Variants in APTX observed in about 807,000 individuals in gnomAD.
APTX encodes forkhead-associated domain histidine triad-like protein.
Under a neutral mutation model 42.3 loss-of-function variants are expected in APTX, and 33 were observed. The ratio of observed to expected loss-of-function variants is 0.78; its 90% CI spans 0.59 to 1.04. The LOEUF (loss-of-function observed/expected upper bound fraction) is 1.04. Ranked by LOEUF, APTX falls within the 50% of genes least tolerant of loss-of-function variation. The pLI, the probability that APTX is intolerant of heterozygous loss-of-function variation, is 0.00. For synonymous variants in APTX, 130 were observed against 146.7 expected (o/e 0.89, Z 0.82); for missense variants, 421 against 415.1 (o/e 1.01, Z -0.12).
At chr9:32,989,601 A>C in intron 2 of APTX, 158 bp downstream of exon 2, 23 of 1,078,358 alleles carry the variant, frequency 2.1e-5, no homozygotes, top group East Asian at 7.4e-5. Flanking sequence ...AGAATCAGGA[A>C]TAAATAGGGC....
intron 1 of APTX, among the ~76,000 whole-genome samples, chr9:32,995,233 C>G (rs947987424): frequency 2.0e-5 from 3 of 152,100 alleles, no homozygotes; most frequent in Admixed American, 6.5e-5. Flanking sequence ...TCTGATGGAC[C>G]TGGAAAAAGT....
At chr9:32,990,279 T>G (rs1003318580) in intron 1 of APTX, among the ~76,000 whole-genome samples, 9 of 152,114 alleles carry the variant, frequency 5.9e-5, no homozygotes, top group African/African-American at 2.2e-4. Context: ...TTCAAGCAAT[T>G]CTCCTGCCTT....
chr9:32,977,192 A>G (rs1427035258), intron 6 of APTX, among the ~76,000 whole-genome samples: 1 of 152,244 alleles, frequency 6.6e-6, no homozygotes, highest in Non-Finnish European at 1.5e-5. Context: ...TTTCATATCA[A>G]TTTATAAAAA....
intron 1 of APTX, 107 bp from the exon 2 acceptor site, chr9:32,990,002 T>G: frequency 1.4e-6 from 2 of 1,412,274 alleles, no homozygotes; most frequent in Non-Finnish European, 9.7e-7. Flanking sequence ...CTGTTCATCT[T>G]GAGGCAAGTG....
At chr9:33,021,394 G>A (rs1838370853) in intron 1 of APTX, among the ~76,000 whole-genome samples, 1 of 152,068 alleles carries the variant, frequency 6.6e-6, no homozygotes, top group African/African-American at 2.4e-5. Flanking sequence ...AATGGGATTT[G>A]GGGGGAATCT....
At chr9:33,017,750 G>A (rs951794299) in intron 1 of APTX, among the ~76,000 whole-genome samples, 2 of 152,126 alleles carry the variant, frequency 1.3e-5, no homozygotes, top group East Asian at 1.9e-4. Context: ...CACCAACCTG[G>A]AAGCTCTCCA....
chr9:33,020,827 C>T (rs368817639), intron 1 of APTX, among the ~76,000 whole-genome samples: 105 of 152,330 alleles, frequency 6.9e-4, no homozygotes, highest in African/African-American at 2.4e-3. Context: ...ACACTTACGG[C>T]CATGTGGTTA....
At chr9:33,005,431 T>TTTTGA (rs1837068222), upstream of APTX, among the ~76,000 whole-genome samples, 1 of 150,450 alleles carries the variant, frequency 6.6e-6, no homozygotes. Flanking sequence ...TTTTTTTGTT[T>TTTTGA]TTTGTTTTTG....
chr9:33,001,427 G>C (rs1270114586), intron 1 of APTX, 140 bp downstream of exon 1: 5 of 1,545,570 alleles, frequency 3.2e-6, no homozygotes, highest in East Asian at 4.8e-5. Context: ...GGGGAGGACG[G>C]AGAAAGCAGC....
chr9:32,986,959 T>C (rs757170372), intron 4 of APTX, among the ~76,000 whole-genome samples: 19 of 152,066 alleles, frequency 1.2e-4, no homozygotes, highest in Non-Finnish European at 2.1e-4. Flanking sequence ...CAAGCATGTG[T>C]GTACCACCAG....
chr9:32,973,011 A>C lies in APTX; in HGVS notation c.*487T>G, dbSNP rs1433465895. ...AGGACTGGACAAACTAAGCCTCCCC[A>C]TGAAGGAAGGGAAAAGAATATTACA... On this transcript the variant is annotated 3_prime_UTR_variant, in exon 8 of 8. Transcript: ENST00000379817. 5 of 454,054 alleles carry C rather than the reference A, an allele frequency of 1.1e-5. No individual in the cohort carries two copies. Among genetic ancestry groups the C allele is most frequent in the African/African-American group, 2.0e-5 (1 of 50,022 alleles). The allele number at this position is 454,054 out of a possible 1,614,324, so 28.1% of individuals were successfully genotyped here.
intron 1 of APTX, among the ~76,000 whole-genome samples, chr9:32,997,732 G>A (rs1835292084): frequency 1.3e-5 from 2 of 152,236 alleles, no homozygotes; most frequent in Admixed American, 6.5e-5. Context: ...GATACAGGCA[G>A]GGTTCAGAAC....
upstream of APTX, among the ~76,000 whole-genome samples, chr9:33,003,965 A>C (rs1012355356): frequency 6.6e-6 from 1 of 152,232 alleles, no homozygotes; most frequent in Non-Finnish European, 1.5e-5. Context: ...GTGTATAAAT[A>C]TCTCTTTGAG....
rs772793361 is a variant in APTX at position 32,988,145 on chromosome 9, A to C, written c.134-16T>G. On this transcript the variant is annotated splice_polypyrimidine_tract_variant and intron_variant, in intron 2 of 7. Coordinates refer to ENST00000379817, the MANE Select transcript of APTX (RefSeq NM_001195248.2). ...TTCAACTGTACTGAAAGAGATTGGA[A>C]AAAGTTAAACACAAATGCAACAAAG... is the stretch of plus-strand genomic sequence containing the variant. 6.2e-7 allele frequency: 1 copy of C among 1,613,572 alleles called. No individual in the cohort carries two copies. Among genetic ancestry groups the C allele is most frequent in the Non-Finnish European group, 8.5e-7 (1 of 1,179,426 alleles).
chr9:32,974,357 A>C, intron 7 of APTX, 101 bp downstream of exon 7: 1 of 793,616 alleles, frequency 1.3e-6, no homozygotes, highest in South Asian at 1.4e-5. Context: ...AGTTGTACAT[A>C]GGTTTTTGAG....
intron 1 of APTX, among the ~76,000 whole-genome samples, chr9:32,991,413 G>A (rs972476757): frequency 4.6e-5 from 7 of 152,184 alleles, no homozygotes; most frequent in Admixed American, 2.6e-4. Flanking sequence ...CAAAGGGGAT[G>A]GAGAGCAAGA....
At chr9:32,988,696 A>G (rs1233079740) in intron 2 of APTX, among the ~76,000 whole-genome samples, 2 of 147,254 alleles carry the variant, frequency 1.4e-5, no homozygotes, top group South Asian at 2.1e-4. Context: ...GAAAAAAAAA[A>G]AAAAAAAAAA....
chr9:32,989,074 C>G (rs942473541), intron 2 of APTX, among the ~76,000 whole-genome samples: 2 of 152,152 alleles, frequency 1.3e-5, no homozygotes, highest in African/African-American at 4.8e-5. Flanking sequence ...AGGAAGGGAA[C>G]AGAGAGAGAA....
chr9:33,010,510 A>G (rs1261190485), intron 1 of APTX, among the ~76,000 whole-genome samples: 1 of 152,116 alleles, frequency 6.6e-6, no homozygotes, highest in Non-Finnish European at 1.5e-5. Flanking sequence ...ACTTGAGGTC[A>G]GAAGTTCAAG....
Sources: allele counts gnomAD v4.1 joint callset (sites outside exome capture counted in the v4.1 genomes callset), GRCh38; gene constraint gnomAD v4.1.1; transcripts MANE v1.5; gene names NCBI Gene and HGNC (gene_info 2026-07-23, HGNC 2026-07-21).